Variants in GIPC2 observed in about 807,000 individuals in gnomAD.
GIPC2 encodes the protein PDZ domain-containing protein GIPC2.
Under a neutral mutation model 30.6 loss-of-function variants are expected in GIPC2, and 30 were observed. That is an observed-to-expected ratio of 0.98 (90% CI 0.73 to 1.33). GIPC2 has a LOEUF of 1.33. Ranked by LOEUF, GIPC2 falls within the 40% of genes most tolerant of loss-of-function variation. GIPC2 has a pLI of 0.00. For synonymous variants in GIPC2, 167 were observed against 150.0 expected, an observed-to-expected ratio of 1.11 and a Z score of -0.83; for missense variants, 414 against 390.3, an observed-to-expected ratio of 1.06 and a Z score of -0.51.
intron 3 of GIPC2, among the ~76,000 whole-genome samples, chr1:78,096,022 C>T (rs1368684108): frequency 1.3e-5 from 2 of 152,148 alleles, no homozygotes; most frequent in Non-Finnish European, 2.9e-5. Flanking sequence ...GTGACAGGTC[C>T]TAGGCATGTG....
rs377234394 is a variant in GIPC2 at position 78,080,834 on chromosome 1, A to T, written c.400A>T (p.Asn134Tyr). 1.2e-6 allele frequency: 2 copies of T among 1,603,936 alleles called. No homozygotes were observed. Among genetic ancestry groups the T allele is most frequent in the African/African-American group, 2.7e-5 (2 of 74,646 alleles). ...EDSLGLTITD[N>Y]GVGYAFIKRI... is the part of the protein sequence containing the mutation. Reference sequence around the variant, plus strand: ...TTCACTTGGTCTCACCATTACAGATAATGGTGTTGGCTATGCTTTTATAAA... The same window carrying T: ...TTCACTTGGTCTCACCATTACAGATTATGGTGTTGGCTATGCTTTTATAAA... The change falls in exon 2 of 6, where the codon AAT (asparagine) becomes TAT (tyrosine). Residue 134 changes from asparagine (N) to tyrosine (Y), a missense_variant. Coordinates refer to ENST00000370759, the MANE Select transcript of GIPC2 (RefSeq NM_017655.6).
chr1:78,094,744 T>C (rs375626946), intron 2 of GIPC2: 17 of 422,166 alleles, frequency 4.0e-5, no homozygotes, highest in East Asian at 3.5e-4. Context: ...TGCATTGTTA[T>C]GTCAATACAT....
chr1:78,078,129 A>G (rs1661751200), intron 1 of GIPC2, among the ~76,000 whole-genome samples: 1 of 130,888 alleles, frequency 7.6e-6, no homozygotes, highest in African/African-American at 2.9e-5. Context: ...CGGAGCTTGC[A>G]GTGAGCCGAG....
At chr1:78,127,270 T>G (rs2100443631) in intron 5 of GIPC2, among the ~76,000 whole-genome samples, 1 of 152,352 alleles carries the variant, frequency 6.6e-6, no homozygotes, top group Middle Eastern at 3.4e-3. Flanking sequence ...AAATCTCAAC[T>G]GGCTTTTATT....
Position 78,136,678 on chromosome 1 carries a change from A to G in GIPC2, c.*935A>G, listed in dbSNP as rs1300960562. The G allele has an allele frequency of 2.1e-5, 3 of 141,634 alleles. No individual in the cohort carries two copies. Among genetic ancestry groups the G allele is most frequent in the Non-Finnish European group, 4.5e-5 (3 of 66,550 alleles). The allele number at this position is 141,634 out of a possible 1,614,324, so 8.8% of individuals were successfully genotyped here. On this transcript the variant is annotated 3_prime_UTR_variant, in exon 6 of 6. Transcript: ENST00000370759. The stretch of plus-strand genomic sequence containing the variant: ...TTCCCTAAACTTTAGAAGAAATGCT[A>G]TCAGAAATAGATTTCCTTCCAGTGG...
At chr1:78,100,927 C>T (rs1179514687) in intron 3 of GIPC2, among the ~76,000 whole-genome samples, 1 of 98,536 alleles carries the variant, frequency 1.0e-5, no homozygotes, top group Non-Finnish European at 1.9e-5. Flanking sequence ...GAGACCCTGT[C>T]AAAAAAAAAA....
At chr1:78,130,666 A>C (rs1662877024) in intron 5 of GIPC2, among the ~76,000 whole-genome samples, 2 of 152,218 alleles carry the variant, frequency 1.3e-5, no homozygotes, top group Admixed American at 6.5e-5. Context: ...ACTAATCTTC[A>C]AACCCTGCTA....
Position 78,083,595 on chromosome 1 carries a change from A to G in GIPC2, c.426+2735A>G, listed in dbSNP as rs138914613. Among the ~76,000 whole-genome samples the G allele has an allele frequency of 2.1e-3, 326 of 152,306 alleles. 1 individual carries two copies. The highest frequency in any genetic ancestry group is 7.6e-3 in the African/African-American group (314 of 41,564). ...AGTCTTACCTGAATTAATTTTTCCTATAATGGTTGAAAAAATGATGATTTT... is the reference window on the plus strand; with the variant it reads ...AGTCTTACCTGAATTAATTTTTCCTGTAATGGTTGAAAAAATGATGATTTT... On this transcript the variant is annotated intron_variant, in intron 2 of 5. Transcript: ENST00000370759.
chr1:78,065,467 G>A (rs1661487276), intron 1 of GIPC2, among the ~76,000 whole-genome samples: 1 of 151,752 alleles, frequency 6.6e-6, no homozygotes, highest in African/African-American at 2.4e-5. Flanking sequence ...TGGCCATATT[G>A]CCCAAAGCAT....
chr1:78,064,111 G>A (rs190315599), intron 1 of GIPC2, among the ~76,000 whole-genome samples: 17 of 152,282 alleles, frequency 1.1e-4, no homozygotes, highest in Admixed American at 3.3e-4. Context: ...TTTCTGAAAC[G>A]ATAAATAACT....
At chr1:78,075,735 G>A (rs1429101222) in intron 1 of GIPC2, among the ~76,000 whole-genome samples, 2 of 152,182 alleles carry the variant, frequency 1.3e-5, no homozygotes, top group Non-Finnish European at 2.9e-5. Context: ...CTTATAAGCT[G>A]GCATTGGGCC....
intron 3 of GIPC2, among the ~76,000 whole-genome samples, chr1:78,119,032 CTT>C (rs762950935): frequency 1.5e-4 from 23 of 151,408 alleles, no homozygotes; most frequent in Admixed American, 1.3e-4. Flanking sequence ...AGAAACCTCT[CTT>C]CTTTCAAGAC....
At chr1:78,108,090 A>C (rs1662394557) in intron 3 of GIPC2, among the ~76,000 whole-genome samples, 1 of 152,226 alleles carries the variant, frequency 6.6e-6, no homozygotes. Context: ...CCAGTAATAA[A>C]GGTGAACAAT....
intron 5 of GIPC2, among the ~76,000 whole-genome samples, chr1:78,129,698 TA>T: frequency 6.6e-6 from 1 of 152,286 alleles, no homozygotes; most frequent in East Asian, 1.9e-4. Flanking sequence ...TGAAAAAAAT[TA>T]AGCGTTCTAA....
intron 5 of GIPC2, among the ~76,000 whole-genome samples, chr1:78,131,080 C>A (rs756643328): frequency 1.3e-5 from 2 of 152,100 alleles, no homozygotes; most frequent in African/African-American, 2.4e-5. Flanking sequence ...CAAGCAGTCT[C>A]CCTACATCAC....
intron 3 of GIPC2, 48 bp from the exon 4 acceptor site, chr1:78,119,345 G>A (rs1298286154): frequency 1.0e-6 from 1 of 987,392 alleles, no homozygotes; most frequent in East Asian, 2.4e-5. Context: ...GTAATCTGTT[G>A]GGATGCTTTC....
chr1:78,086,791 A>AT (rs940950331), intron 2 of GIPC2, among the ~76,000 whole-genome samples: 7 of 151,720 alleles, frequency 4.6e-5, no homozygotes, highest in South Asian at 2.1e-4. Flanking sequence ...TGCTTGGTAG[A>AT]TTTTTTTCTC....
intron 1 of GIPC2, among the ~76,000 whole-genome samples, chr1:78,079,735 C>T (rs115551300): frequency 6.6e-6 from 1 of 152,230 alleles, no homozygotes; most frequent in African/African-American, 2.4e-5. Flanking sequence ...CCTTTTCAAC[C>T]CTGCTTCTCT....
intron 1 of GIPC2, among the ~76,000 whole-genome samples, chr1:78,062,150 A>G (rs1661405759): frequency 6.6e-6 from 1 of 152,248 alleles, no homozygotes; most frequent in African/African-American, 2.4e-5. Context: ...ACACAGTAAC[A>G]AAGTTGAGGA....
Sources: gnomAD v4.1 joint callset for allele counts (sites outside exome capture counted in the v4.1 genomes callset) on GRCh38, gnomAD v4.1.1 for gene constraint, MANE v1.5 for transcripts, NCBI Gene and HGNC (gene_info 2026-07-23, HGNC 2026-07-21) for gene names.